The following SLC67A2 variants were observed in gnomAD, a reference collection of about 807,000 sequenced individuals.
The protein encoded by SLC67A2 is solute carrier family 67 member 2.
At chr2:102,719,678 T>C in the SLC67A2 span, among the ~76,000 whole-genome samples, 1 of 152,194 alleles carries the variant, frequency 6.6e-6, no homozygotes, top group Non-Finnish European at 1.5e-5. Context: ...AGAAAAGGCC[T>C]CTGAAAACAC....
the SLC67A2 span, chr2:102,723,661 T>A: frequency 6.3e-7 from 1 of 1,580,562 alleles, no homozygotes; most frequent in African/African-American, 1.3e-5. Flanking sequence ...TTGGTCAGTA[T>A]GAATACACAA....
chr2:102,718,104 TG>T, the SLC67A2 span: 1 of 280,754 alleles, frequency 3.6e-6, no homozygotes, highest in Non-Finnish European at 6.7e-6. Flanking sequence ...ATCCTGTAGC[TG>T]GTAGTTTGTT....
chr2:102,726,113 C>A, the SLC67A2 span, among the ~76,000 whole-genome samples: 10 of 152,174 alleles, frequency 6.6e-5, no homozygotes, highest in African/African-American at 1.9e-4. Context: ...TAAAAACAGT[C>A]CAGACGAGCC....
At chr2:102,730,656 C>T in the SLC67A2 span, among the ~76,000 whole-genome samples, 7 of 151,712 alleles carry the variant, frequency 4.6e-5, no homozygotes, top group Admixed American at 2.0e-4. Flanking sequence ...CATTCTCCTG[C>T]CTCAGCCTCC....
chr2:102,718,937 TA>T, the SLC67A2 span: 6 of 1,614,258 alleles, frequency 3.7e-6, no homozygotes, highest in Non-Finnish European at 5.1e-6. Flanking sequence ...AAAGTTACTG[TA>T]GTACAGCATG....
chr2:102,722,631 AT>A, the SLC67A2 span, among the ~76,000 whole-genome samples: 1 of 152,242 alleles, frequency 6.6e-6, no homozygotes, highest in Non-Finnish European at 1.5e-5. Flanking sequence ...TAGATTAAAG[AT>A]AAAAATCAAC....
the SLC67A2 span, among the ~76,000 whole-genome samples, chr2:102,731,435 G>C: frequency 6.6e-6 from 1 of 152,056 alleles, no homozygotes; most frequent in African/African-American, 2.4e-5. Context: ...TTAAATTCTG[G>C]AAAAACCCTA....
chr2:102,736,452 A>G, the SLC67A2 span: 1 of 1,417,228 alleles, frequency 7.1e-7, no homozygotes, highest in South Asian at 1.5e-5. Context: ...GCGAGGGGCA[A>G]TAAAGCAGTG....
At chr2:102,736,406 G>C in the SLC67A2 span, 1 of 1,084,582 alleles carries the variant, frequency 9.2e-7, no homozygotes, top group South Asian at 1.7e-5. Flanking sequence ...AGGCAGGGAA[G>C]GGAAGACGTT....
chr2:102,725,213 C>T, the SLC67A2 span, among the ~76,000 whole-genome samples: 1 of 152,138 alleles, frequency 6.6e-6, no homozygotes. Context: ...GATCTGAATC[C>T]ACAACTGACT....
chr2:102,727,114 T>G, the SLC67A2 span: 10 of 825,988 alleles, frequency 1.2e-5, no homozygotes, highest in African/African-American at 1.8e-5. Flanking sequence ...CATGATGCCA[T>G]TTGTCAGAGT....
chr2:102,719,815 C>A, the SLC67A2 span, among the ~76,000 whole-genome samples: 1 of 152,172 alleles, frequency 6.6e-6, no homozygotes, highest in Non-Finnish European at 1.5e-5. Context: ...TTGGCTTGAC[C>A]GATGGGCAGG....
chr2:102,725,059 C>T, the SLC67A2 span, among the ~76,000 whole-genome samples: 1 of 152,168 alleles, frequency 6.6e-6, no homozygotes, highest in Non-Finnish European at 1.5e-5. Context: ...GTAAGAGTAT[C>T]CCGTGAACAA....
At chr2:102,734,134 T>C in the SLC67A2 span, among the ~76,000 whole-genome samples, 3 of 152,192 alleles carry the variant, frequency 2.0e-5, no homozygotes, top group African/African-American at 7.2e-5. Flanking sequence ...ACTTAAACTT[T>C]CACTGAATAT....
the SLC67A2 span, among the ~76,000 whole-genome samples, chr2:102,728,782 C>T: frequency 1.3e-5 from 2 of 152,152 alleles, no homozygotes; most frequent in Non-Finnish European, 2.9e-5. Context: ...CTCTCTATGC[C>T]TCAGTCTCTC....
chr2:102,736,857 C>A, the SLC67A2 span: 1 of 1,548,212 alleles, frequency 6.5e-7, no homozygotes, highest in African/African-American at 1.4e-5. Flanking sequence ...GCGGACCTAC[C>A]CCGGGAGCCC....
chr2:102,735,304 G>A, the SLC67A2 span, among the ~76,000 whole-genome samples: 1 of 152,154 alleles, frequency 6.6e-6, no homozygotes, highest in Non-Finnish European at 1.5e-5. Context: ...TGTGTTTCTG[G>A]GCTTGCAGCA....
At chr2:102,721,895 A>G in the SLC67A2 span, among the ~76,000 whole-genome samples, 7 of 152,108 alleles carry the variant, frequency 4.6e-5, no homozygotes. Flanking sequence ...TTTTGTAGAC[A>G]GGGTCTCACT....
At chr2:102,732,704 C>T in the SLC67A2 span, among the ~76,000 whole-genome samples, 1 of 152,102 alleles carries the variant, frequency 6.6e-6, no homozygotes, top group Non-Finnish European at 1.5e-5. Flanking sequence ...AGAAAAAATG[C>T]AGTCATAATT....
Sources: gnomAD v4.1 joint callset for allele counts (sites outside exome capture counted in the v4.1 genomes callset) on GRCh38, gnomAD v4.1.1 for gene constraint, MANE v1.5 for transcripts, NCBI Gene and HGNC (gene_info 2026-07-23, HGNC 2026-07-21) for gene names.